The following RARB variants were observed in gnomAD, a reference collection of about 807,000 sequenced individuals.
The protein encoded by RARB is HBV-activated protein.
A neutral mutation model predicts 51.9 loss-of-function variants in RARB; 17 were observed. The ratio of observed to expected loss-of-function variants is 0.33; its 90% CI spans 0.22 to 0.49. RARB has a LOEUF of 0.49. Ranked by LOEUF, RARB falls within the 20% of genes least tolerant of loss-of-function variation. RARB has a pLI of 0.99. For missense variants in RARB, 369 were observed against 550.8 expected (o/e 0.67, Z 3.30); for synonymous variants, 215 against 195.4 (o/e 1.10, Z -0.84).
At chr3:25,311,125 T>C (rs1251742036) in intron 5 of RARB, among the ~76,000 whole-genome samples, 1 of 151,946 alleles carries the variant, frequency 6.6e-6, no homozygotes, top group Non-Finnish European at 1.5e-5. Flanking sequence ...TCATAGAGGG[T>C]GTCGGGTTTG....
chr3:25,341,481 T>G (rs892431804), intron 5 of RARB, among the ~76,000 whole-genome samples: 1 of 152,162 alleles, frequency 6.6e-6, no homozygotes, highest in Non-Finnish European at 1.5e-5. Flanking sequence ...GAAGAGGTTT[T>G]AAAGCTCTTT....
intron 2 of RARB, among the ~76,000 whole-genome samples, chr3:25,494,259 A>ACGCACGCGCGCGCACT (rs150184798): frequency 2.7e-5 from 4 of 147,414 alleles, no homozygotes; most frequent in African/African-American, 4.9e-5. Context: ...TTACGCACAC[A>ACGCACGCGCGCGCACT]CACACACACA....
intron 4 of RARB, among the ~76,000 whole-genome samples, chr3:25,142,160 C>T (rs1158558013): frequency 6.6e-6 from 1 of 152,062 alleles, no homozygotes; most frequent in Non-Finnish European, 1.5e-5. Flanking sequence ...GGCGAAACCC[C>T]GTCTCTACTA....
At chr3:25,484,005 G>A (rs1017186861) in intron 2 of RARB, among the ~76,000 whole-genome samples, 34 of 152,148 alleles carry the variant, frequency 2.2e-4, no homozygotes, top group Admixed American at 7.9e-4. Flanking sequence ...GCAATTTACA[G>A]AGCTATAAAG....
chr3:24,847,438 C>G (rs1412539281), intron 1 of RARB, among the ~76,000 whole-genome samples: 1 of 152,192 alleles, frequency 6.6e-6, no homozygotes. Flanking sequence ...AATTCTTCCA[C>G]CCTTGTTCTA....
chr3:24,890,111 A>C (rs1473689605), intron 2 of RARB, among the ~76,000 whole-genome samples: 1 of 152,114 alleles, frequency 6.6e-6, no homozygotes, highest in African/African-American at 2.4e-5. Context: ...GCTTACTACT[A>C]TTTGTCTTAA....
chr3:25,035,321 CA>C (rs1380675681), intron 2 of RARB, among the ~76,000 whole-genome samples: 1 of 151,678 alleles, frequency 6.6e-6, no homozygotes, highest in Non-Finnish European at 1.5e-5. Flanking sequence ...AGGGTTTCGC[CA>C]TGTTGCCCAG....
At chr3:24,971,869 ATATT>A (rs1292518971) in intron 2 of RARB, among the ~76,000 whole-genome samples, 3 of 151,958 alleles carry the variant, frequency 2.0e-5, no homozygotes, top group Non-Finnish European at 4.4e-5. Flanking sequence ...TTATGAATAA[ATATT>A]TTTATTTTTG....
chr3:25,009,014 A>G (rs893009605), intron 2 of RARB, among the ~76,000 whole-genome samples: 3 of 152,166 alleles, frequency 2.0e-5, no homozygotes, highest in African/African-American at 4.8e-5. Flanking sequence ...AATGAAGCCT[A>G]TTTGCCGAAG....
At chr3:25,217,653 C>T (rs1027064375) in intron 5 of RARB, among the ~76,000 whole-genome samples, 5 of 152,170 alleles carry the variant, frequency 3.3e-5, no homozygotes, top group African/African-American at 9.7e-5. Context: ...CCCCCTGAAC[C>T]TTTCTGAGAC....
chr3:25,376,855 A>G (rs1371262018), intron 5 of RARB, among the ~76,000 whole-genome samples: 1 of 152,220 alleles, frequency 6.6e-6, no homozygotes, highest in African/African-American at 2.4e-5. Flanking sequence ...GAGAACTACC[A>G]GGGTGTCCTC....
chr3:25,098,255 A>G (rs1371870599), intron 3 of RARB, among the ~76,000 whole-genome samples: 1 of 152,170 alleles, frequency 6.6e-6, no homozygotes, highest in African/African-American at 2.4e-5. Context: ...ATTCTAGGAC[A>G]GGAATTCTTT....
At chr3:25,346,783 G>A (rs1221355702) in intron 5 of RARB, among the ~76,000 whole-genome samples, 3 of 152,206 alleles carry the variant, frequency 2.0e-5, no homozygotes, top group Admixed American at 2.0e-4. Context: ...CACTGGTCAA[G>A]TTTTGAAAGC....
chr3:25,246,715 G>C (rs1702570138), intron 5 of RARB, among the ~76,000 whole-genome samples: 1 of 152,090 alleles, frequency 6.6e-6, no homozygotes, highest in Non-Finnish European at 1.5e-5. Flanking sequence ...AGGGGTGCCT[G>C]CCAGATGCCC....
intron 5 of RARB, among the ~76,000 whole-genome samples, chr3:25,252,805 G>C (rs770012490): frequency 5.3e-5 from 8 of 152,142 alleles, no homozygotes; most frequent in Non-Finnish European, 8.8e-5. Context: ...CAGGAGAACA[G>C]TAGCATCCAG....
intron 5 of RARB, among the ~76,000 whole-genome samples, chr3:25,255,914 A>G (rs951396507): frequency 6.6e-6 from 1 of 152,116 alleles, no homozygotes; most frequent in African/African-American, 2.4e-5. Flanking sequence ...TGCTTTAATA[A>G]TGTTTATTTC....
intron 4 of RARB, among the ~76,000 whole-genome samples, chr3:25,169,223 C>A (rs1014658437): frequency 1.3e-5 from 2 of 152,056 alleles, no homozygotes; most frequent in African/African-American, 4.8e-5. Flanking sequence ...CTGAAAAAAG[C>A]CAGTAAAGAA....
intron 4 of RARB, among the ~76,000 whole-genome samples, chr3:25,136,775 G>T (rs1376786771): frequency 6.6e-6 from 1 of 151,992 alleles, no homozygotes; most frequent in Non-Finnish European, 1.5e-5. Flanking sequence ...TGGGGATGAA[G>T]AGGGAAGGCC....
At position 25,222,009 on chromosome 3, in the gene RARB, C is replaced by T. The variant is rs538511393; in HGVS notation, c.178+47434C>T. Among the ~76,000 whole-genome samples, 16 of 152,292 alleles carry T rather than the reference C, an allele frequency of 1.1e-4. No homozygotes were observed. The East Asian group carries it at 1.7e-3, about 17-fold the overall frequency. ...GCTTAGAGATGAGTTCTTCTGAAGA[C>T]GGAGCCCTCCTTTCATGGGAGCGTA... On this transcript the variant is annotated intron_variant, in intron 5 of 11. Transcript: ENST00000383772.
Sources: allele counts gnomAD v4.1 joint callset (sites outside exome capture counted in the v4.1 genomes callset), GRCh38; gene constraint gnomAD v4.1.1; transcripts MANE v1.5; gene names NCBI Gene and HGNC (gene_info 2026-07-23, HGNC 2026-07-21).